UBN2: variants seen among roughly 807,000 people sequenced by gnomAD.
UBN2 encodes ubinuclein-2.
Under a neutral mutation model 120.2 loss-of-function variants are expected in UBN2, and 35 were observed. The ratio of observed to expected loss-of-function variants is 0.29; its 90% confidence interval spans 0.22 to 0.39. The LOEUF (loss-of-function observed/expected upper bound fraction) is 0.39, where lower values mean the gene tolerates loss of function less well. UBN2 is among the 10% of genes least tolerant of loss of function. The pLI is 1.00. For missense variants in UBN2, 1,693 were observed against 1,663.2 expected, an observed-to-expected ratio of 1.02 and a Z score of -0.31; for synonymous variants, 661 against 648.7, an observed-to-expected ratio of 1.02 and a Z score of -0.29.
At chr7:139,313,710 T>A in the UBN2 span, among the ~76,000 whole-genome samples, 1 of 152,196 alleles carries the variant, frequency 6.6e-6, no homozygotes, top group East Asian at 1.9e-4. Flanking sequence ...GATGGTGTTA[T>A]TCTAGATTTT....
chr7:139,297,707 A>G (rs1798148793), intron 17 of UBN2, 80 bp from the exon 18 acceptor site: 5 of 1,297,444 alleles, frequency 3.9e-6, no homozygotes, highest in Admixed American at 3.5e-5. Context: ...ATAAAAGTTA[A>G]TTGTTGTTTT....
At chr7:139,321,970 T>C in the UBN2 span, among the ~76,000 whole-genome samples, 1 of 151,630 alleles carries the variant, frequency 6.6e-6, no homozygotes, top group East Asian at 1.9e-4. Context: ...GACTAATAAC[T>C]AGAAAAAGAG....
intron 2 of UBN2, among the ~76,000 whole-genome samples, chr7:139,250,564 A>T (rs185000258): frequency 2.6e-5 from 4 of 151,978 alleles, no homozygotes; most frequent in Non-Finnish European, 4.4e-5. Flanking sequence ...AAAAAAGAAG[A>T]ACTACTGTAG....
At position 139,307,765 on chromosome 7, in the gene UBN2, A is replaced by G. The variant is rs145129849; in HGVS notation, c.*9929A>G. ...ATCTTGCCTTTGCATTCTCAGTTCT[A>G]CGTGCCCTTTGAACTTTAATGGTAA... On this transcript the variant is annotated 3_prime_UTR_variant, in exon 18 of 18. Transcript: ENST00000473989. 2 of 152,238 alleles carry G rather than the reference A, an allele frequency of 1.3e-5. No homozygotes were observed. Among genetic ancestry groups the G allele is most frequent in the African/African-American group, 2.4e-5 (1 of 41,536 alleles). The allele number at this position is 152,238 out of a possible 1,614,324, so 9.4% of individuals were successfully genotyped here.
chr7:139,305,977 A>G lies in UBN2; in HGVS notation c.*8141A>G, dbSNP rs964871074. The G allele has an allele frequency of 6.6e-5, 10 of 152,190 alleles. No homozygotes were observed. Among genetic ancestry groups the G allele is most frequent in the African/African-American group, 2.4e-4 (10 of 41,454 alleles). The allele number at this position is 152,190 out of a possible 1,614,324, so 9.4% of individuals were successfully genotyped here. ...GAATCAAATTTTATGTTTGTTCCTC[A>G]CAAAATTTTCTACACATTATTTGTT... On this transcript the variant is annotated 3_prime_UTR_variant, in exon 18 of 18. Transcript: ENST00000473989.
Position 139,269,429 on chromosome 7 carries a change from T to C in UBN2, c.1502T>C (p.Ile501Thr). 1 of 1,614,164 alleles carries C rather than the reference T, an allele frequency of 6.2e-7. No individual in the cohort carries two copies. Among genetic ancestry groups the C allele is most frequent in the Non-Finnish European group, 8.5e-7 (1 of 1,180,014 alleles). Residue 501 changes from isoleucine to threonine, a missense_variant, in exon 8 of 18, where the codon ATT (isoleucine) becomes ACT (threonine). Around this residue, in one of 5 missense-constraint regions of UBN2, gnomAD observed 178 missense variants for 204.0 expected, o/e 0.87. Transcript: ENST00000473989. ...ELQLQELGPV[I>T]RSGVYSHLEA... Reference sequence around the variant, plus strand: ...CAGCTACAAGAACTAGGCCCTGTCATTCGCAGTGGTGTCTACTCCCACCTT... The same window carrying C: ...CAGCTACAAGAACTAGGCCCTGTCACTCGCAGTGGTGTCTACTCCCACCTT...
Position 139,243,881 on chromosome 7 carries a change from A to C in UBN2, c.561+6784A>C, listed in dbSNP as rs1041997750. ...GAGCTACTCAGGTTTGGGTGTGTCAAATACACGTTTTCCAAAACTCTTTCC... is the reference window on the plus strand; with the variant it reads ...GAGCTACTCAGGTTTGGGTGTGTCACATACACGTTTTCCAAAACTCTTTCC... On this transcript the variant is annotated intron_variant, in intron 2 of 17. Transcript: ENST00000473989. Among the ~76,000 whole-genome samples, 7 of 152,146 alleles carry C rather than the reference A, an allele frequency of 4.6e-5. No homozygotes were observed. The East Asian group carries it at 7.7e-4, about 17-fold the overall frequency.
intron 2 of UBN2, 55 bp downstream of exon 2, chr7:139,237,152 T>C (rs1796186259): frequency 3.7e-6 from 5 of 1,345,820 alleles, no homozygotes; most frequent in Non-Finnish European, 5.2e-6. Context: ...CCTGTTTGCT[T>C]TCTGTGGCTG....
intron 2 of UBN2, among the ~76,000 whole-genome samples, chr7:139,241,730 C>T (rs754522467): frequency 1.8e-4 from 28 of 152,218 alleles, no homozygotes; most frequent in African/African-American, 4.1e-4. Flanking sequence ...GGTGAAGCGG[C>T]CCGTGCCTGT....
the UBN2 span, among the ~76,000 whole-genome samples, chr7:139,329,930 G>A: frequency 2.0e-4 from 31 of 152,210 alleles, no homozygotes; most frequent in African/African-American, 6.3e-4. Flanking sequence ...TGTGGCCATG[G>A]CTGCAAAGGT....
At chr7:139,309,717 CAAA>C (rs1190956107), downstream of UBN2, among the ~76,000 whole-genome samples, 1 of 152,054 alleles carries the variant, frequency 6.6e-6, no homozygotes, top group Non-Finnish European at 1.5e-5. Context: ...ACTAAAAATA[CAAA>C]ATTAGCTGGG....
chr7:139,290,104 T>C (rs534244052), intron 15 of UBN2, among the ~76,000 whole-genome samples: 1 of 152,138 alleles, frequency 6.6e-6, no homozygotes, highest in Non-Finnish European at 1.5e-5. Flanking sequence ...ATTTTGTATT[T>C]TTAGTAGAGA....
chr7:139,267,812 C>T (rs966175943), intron 7 of UBN2, among the ~76,000 whole-genome samples: 1 of 152,132 alleles, frequency 6.6e-6, no homozygotes, highest in Admixed American at 6.6e-5. Context: ...TTCCTAGTTA[C>T]TTTAACCAGG....
intron 8 of UBN2, among the ~76,000 whole-genome samples, chr7:139,271,146 C>G (rs973415645): frequency 1.3e-5 from 2 of 151,864 alleles, no homozygotes; most frequent in East Asian, 3.8e-4. Flanking sequence ...TACTGGTGTT[C>G]GTGGAATAGG....
At chr7:139,289,399 C>T (rs1188023371) in intron 15 of UBN2, among the ~76,000 whole-genome samples, 4 of 143,434 alleles carry the variant, frequency 2.8e-5, no homozygotes, top group Admixed American at 7.5e-5. Context: ...ATTGCCCTCC[C>T]TAATTTACAT....
chr7:139,322,835 G>T, the UBN2 span, among the ~76,000 whole-genome samples: 3 of 152,036 alleles, frequency 2.0e-5, no homozygotes, highest in Non-Finnish European at 2.9e-5. Flanking sequence ...ACCACGCCAG[G>T]CTGGACTTTT....
Position 139,269,463 on chromosome 7 carries a change from T to G in UBN2, c.1536T>G (p.Phe512Leu). 1 of 1,614,184 alleles carries G rather than the reference T, an allele frequency of 6.2e-7. No homozygotes were observed. The highest frequency in any genetic ancestry group is 8.5e-7 in the Non-Finnish European group (1 of 1,180,030). ...GTGTCTACTCCCACCTTGAAGCTTT[T>G]GTGCCATGCAATAAAGAAACACTAG... ...RSGVYSHLEA[F>L]VPCNKETLVK... is the part of the protein sequence containing the mutation. Residue 512 changes from phenylalanine (F) to leucine (L), a missense_variant, in exon 8 of 18, where the codon TTT (phenylalanine) becomes TTG (leucine). This residue lies in a region of UBN2 where 178 missense variants were observed against 204.0 expected (regional missense o/e 0.87). Transcript: ENST00000473989.
intron 5 of UBN2, among the ~76,000 whole-genome samples, chr7:139,260,318 G>A (rs1017040312): frequency 1.3e-4 from 20 of 150,698 alleles, no homozygotes; most frequent in South Asian, 2.1e-4. Context: ...GGCTGGTCTC[G>A]AACTCCTGGG....
At position 139,272,312 on chromosome 7, in the gene UBN2, T is replaced by A. The variant is rs187622932; in HGVS notation, c.1597-10T>A. 6.3e-7 allele frequency: 1 copy of A among 1,598,018 alleles called. No individual in the cohort carries two copies. The highest frequency in any genetic ancestry group is 1.3e-5 in the African/African-American group (1 of 74,172). The stretch of plus-strand genomic sequence containing the variant: ...TCTGATAAAAACTTCTAGTATGTTT[T>A]TCTTTTTAGGATGATCGTTTAAGAG... On this transcript the variant is annotated splice_polypyrimidine_tract_variant and intron_variant, in intron 8 of 17. Transcript: ENST00000473989.
Sources: gnomAD v4.1 joint callset for allele counts (sites outside exome capture counted in the v4.1 genomes callset) on GRCh38, gnomAD v4.1.1 for gene constraint, gnomAD v4.1.1 regional missense constraint, MANE v1.5 for transcripts, NCBI Gene and HGNC (gene_info 2026-07-23, HGNC 2026-07-21) for gene names.